ITPR2: variants seen among roughly 807,000 people sequenced by gnomAD.
ITPR2 encodes the protein inositol 1,4,5-trisphosphate-gated calcium channel ITPR2.
ITPR2 carries 207 observed loss-of-function variants against 317.1 expected under a neutral mutation model. That is an observed-to-expected ratio of 0.65 (90% CI 0.58 to 0.73). The LOEUF is 0.73. ITPR2 is among the 30% of genes least tolerant of loss of function. The pLI, the probability that ITPR2 is intolerant of heterozygous loss-of-function variation, is 0.00. For missense variants in ITPR2, 2,613 were observed against 3,284.0 expected (o/e 0.80, Z 4.99); for synonymous variants, 1,156 against 1,149.1 (o/e 1.01, Z -0.12).
At chr12:26,673,429 A>G (rs1388330215) in intron 13 of ITPR2, among the ~76,000 whole-genome samples, 2 of 127,866 alleles carry the variant, frequency 1.6e-5, no homozygotes, top group Non-Finnish European at 3.4e-5. Context: ...TATAAACAGA[A>G]CCAAAGACAA....
chr12:26,641,471 A>G (rs564844687), intron 21 of ITPR2, among the ~76,000 whole-genome samples: 5 of 112,970 alleles, frequency 4.4e-5, no homozygotes, highest in South Asian at 7.6e-4. Flanking sequence ...AAGAGAGAAA[A>G]AGAAAAAGAA....
At chr12:26,727,316 T>C (rs1230354298) in intron 2 of ITPR2, among the ~76,000 whole-genome samples, 1 of 152,198 alleles carries the variant, frequency 6.6e-6, no homozygotes, top group Non-Finnish European at 1.5e-5. Context: ...ATTAGGCAAG[T>C]GGCAAAACTC....
chr12:26,760,278 T>C (rs1949606907), intron 2 of ITPR2, among the ~76,000 whole-genome samples: 1 of 152,232 alleles, frequency 6.6e-6, no homozygotes, highest in South Asian at 2.1e-4. Context: ...TACACATCTC[T>C]GATTTCTTAC....
In ITPR2 at chr12:26,709,310, A is replaced by C. The variant is rs1592059126; in HGVS notation, c.951+1863T>G. On this transcript the variant is annotated intron_variant, in intron 9 of 56. Transcript: ENST00000381340. ...TTTCCTCCTCCCACTAGACCATAAA[A>C]AAGATGTTATCTAAAGTATTAAAGG... Among the ~76,000 whole-genome samples the C allele has an allele frequency of 2.0e-5, 3 of 152,234 alleles. No homozygotes were observed. The East Asian group carries it at 5.8e-4, about 29-fold the overall frequency.
At chr12:26,743,460 T>C (rs978484592) in intron 2 of ITPR2, among the ~76,000 whole-genome samples, 2 of 152,218 alleles carry the variant, frequency 1.3e-5, no homozygotes, top group Admixed American at 6.5e-5. Flanking sequence ...TTTCAGCAGA[T>C]ATTTTAGAAA....
At chr12:26,689,567 A>C (rs1948195158) in intron 10 of ITPR2, among the ~76,000 whole-genome samples, 1 of 152,212 alleles carries the variant, frequency 6.6e-6, no homozygotes. Context: ...CCTCAACATG[A>C]AAATCTAGGT....
intron 1 of ITPR2, among the ~76,000 whole-genome samples, chr12:26,811,912 C>T (rs990889689): frequency 3.3e-5 from 5 of 150,190 alleles, no homozygotes; most frequent in African/African-American, 9.8e-5. Context: ...ACCTGTAATC[C>T]CAGCACTTTG....
At chr12:26,482,585 T>C (rs1471599425) in intron 42 of ITPR2, among the ~76,000 whole-genome samples, 2 of 152,232 alleles carry the variant, frequency 1.3e-5, no homozygotes, top group East Asian at 3.8e-4. Flanking sequence ...TTTTCTTGTA[T>C]CATTGCTCTG....
At chr12:26,436,178 G>A in intron 48 of ITPR2, 43 bp downstream of exon 48, 2 of 1,469,570 alleles carry the variant, frequency 1.4e-6, no homozygotes, top group Non-Finnish European at 1.8e-6. Context: ...AGTTAAGTGG[G>A]AACTTTAAAA....
At chr12:26,543,981 A>G (rs1259420107) in intron 37 of ITPR2, among the ~76,000 whole-genome samples, 1 of 152,082 alleles carries the variant, frequency 6.6e-6, no homozygotes, top group African/African-American at 2.4e-5. Flanking sequence ...TCCTTTGTAA[A>G]CTCTTGCTTT....
At chr12:26,470,226 G>A (rs926619598) in intron 45 of ITPR2, among the ~76,000 whole-genome samples, 8 of 152,216 alleles carry the variant, frequency 5.3e-5, no homozygotes, top group Non-Finnish European at 8.8e-5. Context: ...TTTGGAATAT[G>A]TCTTTACAGA....
intron 55 of ITPR2, among the ~76,000 whole-genome samples, chr12:26,347,022 A>C (rs770407699): frequency 1.3e-5 from 2 of 152,192 alleles, no homozygotes; most frequent in Admixed American, 6.5e-5. Context: ...CACCCAGTAT[A>C]CTGCAAATGC....
At chr12:26,627,895 C>T (rs1946656960) in intron 23 of ITPR2, 138 bp downstream of exon 23, 3 of 726,664 alleles carry the variant, frequency 4.1e-6, no homozygotes, top group African/African-American at 1.8e-5. Flanking sequence ...ACGTTCTGCA[C>T]ATGTATCCCA....
chr12:26,436,518 T>C (rs1941353129), intron 47 of ITPR2, among the ~76,000 whole-genome samples, 172 bp from the exon 48 acceptor site: 1 of 152,166 alleles, frequency 6.6e-6, no homozygotes, highest in South Asian at 2.1e-4. Flanking sequence ...ATCAGAACCA[T>C]AAAGGAGTGA....
intron 5 of ITPR2, among the ~76,000 whole-genome samples, chr12:26,719,332 G>A (rs1592067636): frequency 6.6e-6 from 1 of 152,166 alleles, no homozygotes; most frequent in East Asian, 1.9e-4. Flanking sequence ...GAACTTGAGG[G>A]TGAAGTCATT....
chr12:26,426,950 C>A (rs1389986423), intron 49 of ITPR2, among the ~76,000 whole-genome samples: 1 of 150,884 alleles, frequency 6.6e-6, no homozygotes, highest in East Asian at 1.9e-4. Flanking sequence ...TGTGCAAGCC[C>A]CTGTAAATAT....
At chr12:26,641,224 G>C (rs1002993206) in intron 21 of ITPR2, among the ~76,000 whole-genome samples, 8 of 151,488 alleles carry the variant, frequency 5.3e-5, no homozygotes, top group Admixed American at 3.3e-4. Flanking sequence ...TCACAAAGGA[G>C]TGATTCTTTG....
chr12:26,565,121 C>T (rs142828023), intron 34 of ITPR2, among the ~76,000 whole-genome samples: 2 of 152,072 alleles, frequency 1.3e-5, no homozygotes, highest in Admixed American at 6.5e-5. Context: ...TTTCAAAATA[C>T]GTAAAGGCTC....
rs1555188508 is a variant in ITPR2 at position 26,768,591 on chromosome 12, A to AAAC, written c.163+21565_163+21566insGTT. Among the ~76,000 whole-genome samples the AAAC allele has an allele frequency of 5.8e-3, 812 of 140,226 alleles. 18 individuals carry two copies. Among genetic ancestry groups the AAAC allele is most frequent in the African/African-American group, 0.021 (758 of 36,662 alleles). The allele number at this position is 140,226 out of a possible 152,430, so 92.0% of individuals were successfully genotyped here. A position where few individuals can be genotyped will look rare whatever the true frequency, so the allele number is the denominator to read the frequency against. On this transcript the variant is annotated intron_variant, in intron 2 of 56. Transcript: ENST00000381340. Reference sequence around the variant, plus strand: ...ATATATAAAAAAAAAAAAAAAAAAAAAAAAAACCTCCTGTTTCCTGACTGT... The same window carrying AAAC: ...ATATATAAAAAAAAAAAAAAAAAAAAAACAAAAAACCTCCTGTTTCCTGACTGT...
Sources: allele counts gnomAD v4.1 joint callset (sites outside exome capture counted in the v4.1 genomes callset), GRCh38; gene constraint gnomAD v4.1.1; transcripts MANE v1.5; gene names NCBI Gene and HGNC (gene_info 2026-07-23, HGNC 2026-07-21).